The following DNAJB12 variants were observed in gnomAD, a reference collection of about 807,000 sequenced individuals.
DNAJB12 encodes the protein DnaJ heat shock protein family (Hsp40) member B12.
Under a neutral mutation model 40.6 loss-of-function variants are expected in DNAJB12, and 14 were observed. That is an observed-to-expected ratio of 0.34 (90% CI 0.23 to 0.54). The LOEUF (loss-of-function observed/expected upper bound fraction) is 0.54. Among genes scored for constraint, DNAJB12 ranks in the 20% least tolerant of loss-of-function variants. The pLI is 0.92. For synonymous variants in DNAJB12, 181 were observed against 199.5 expected (o/e 0.91, Z 0.78); for missense variants, 444 against 501.7 (o/e 0.89, Z 1.10).
intron 1 of DNAJB12, among the ~76,000 whole-genome samples, chr10:72,349,566 CT>C (rs990346981): frequency 3.9e-5 from 6 of 152,168 alleles, no homozygotes; most frequent in Non-Finnish European, 8.8e-5. Context: ...TCAAGAAGCT[CT>C]TTATTATTTC....
chr10:72,353,015 GGTAAAGTTTA>G (rs1861971756), intron 1 of DNAJB12, among the ~76,000 whole-genome samples: 1 of 152,184 alleles, frequency 6.6e-6, no homozygotes, highest in South Asian at 2.1e-4. Context: ...GGCTGCAGAT[GGTAAAGTTTA>G]CACGGATGCA....
chr10:72,335,161 T>G lies in DNAJB12; in HGVS notation c.*31-544A>C. On this transcript the variant is annotated intron_variant, in intron 8 of 8. Transcript: ENST00000444643. This position sits in a 1 kb window ranked among gnomAD's most constrained non-coding sequence, Gnocchi z 4.4. ...CCAGGTGTGACGGCATTCGAGAGAG[T>G]GCCTCAGATCCCACCAGAGGGGGGT... is the stretch of plus-strand genomic sequence containing the variant. 7 of 987,024 alleles carry G rather than the reference T, an allele frequency of 7.1e-6. No individual in the cohort carries two copies. The highest frequency in any genetic ancestry group is 8.4e-6 in the Non-Finnish European group (7 of 830,924). 61.1% of individuals were successfully genotyped at this position (987,024 alleles called of 1,614,324 possible).
rs1861406798 is a variant in DNAJB12 at position 72,334,378 on chromosome 10, T to C, written c.*270A>G. 1.6e-6 allele frequency: 1 copy of C among 627,498 alleles called. No homozygotes were observed. Among genetic ancestry groups the C allele is most frequent in the South Asian group, 1.8e-5 (1 of 54,612 alleles). 38.9% of individuals were successfully genotyped at this position (627,498 alleles called of 1,614,324 possible). On this transcript the variant is annotated 3_prime_UTR_variant, in exon 9 of 9. Transcript: ENST00000444643. ...TTTCGTTGCCATGGTTTCTGTATCC[T>C]AGGAGAGAGGCGATGCGGAGCCTCC...
intron 1 of DNAJB12, among the ~76,000 whole-genome samples, chr10:72,347,641 C>T (rs185595872): frequency 1.7e-4 from 26 of 152,334 alleles, no homozygotes; most frequent in African/African-American, 5.1e-4. Flanking sequence ...CCCGGCTGGG[C>T]GCTGTGGCTC....
At chr10:72,352,280 T>C (rs113559374) in intron 1 of DNAJB12, among the ~76,000 whole-genome samples, 1 of 152,162 alleles carries the variant, frequency 6.6e-6, no homozygotes. Flanking sequence ...TTTCCCAAAC[T>C]TAATCCTCTC....
At position 72,354,768 on chromosome 10, in the gene DNAJB12, G is replaced by C. The variant is rs1171870422; in HGVS notation, c.130C>G (p.Arg44Gly). 6.2e-7 allele frequency: 1 copy of C among 1,611,696 alleles called. No individual in the cohort carries two copies. The highest frequency in any genetic ancestry group is 1.1e-5 in the South Asian group (1 of 90,954). Residue 44 changes from arginine (R) to glycine (G), a missense_variant, in exon 1 of 9, where the codon CGC (arginine) becomes GGC (glycine). By Grantham distance (125) the Arg-to-Gly change is moderately radical. Coordinates refer to ENST00000444643, the MANE Select transcript of DNAJB12 (RefSeq NM_017626.7). The part of the protein sequence containing the change: ...AQRLYPTPRV[R>G]ALIESLNQKP... ...CTCTCCGGCACCTCACACTCACCGC[G>C]AACTCGCGGCGTCGGATACAGCCGC...
At chr10:72,334,899 C>G (rs1321181501) in intron 8 of DNAJB12, 2 of 1,270,408 alleles carry the variant, frequency 1.6e-6, no homozygotes, top group Non-Finnish European at 2.0e-6. Flanking sequence ...CTTCTGCCCA[C>G]ACTTCTCTGG....
intron 5 of DNAJB12, 113 bp downstream of exon 5, chr10:72,340,676 A>T: frequency 9.4e-7 from 1 of 1,063,548 alleles, no homozygotes; most frequent in Non-Finnish European, 1.4e-6. Flanking sequence ...AGTTATGGGG[A>T]CTCTGCTGGT....
intron 3 of DNAJB12, among the ~76,000 whole-genome samples, chr10:72,342,291 C>T (rs1194695765): frequency 6.6e-6 from 1 of 152,272 alleles, no homozygotes; most frequent in South Asian, 2.1e-4. Flanking sequence ...CTCTCACTCC[C>T]TCTCCTCAAG....
chr10:72,347,770 G>A lies in DNAJB12; in HGVS notation c.134-2643C>T, dbSNP rs567331499. 8.6e-5 allele frequency among the ~76,000 whole-genome samples: 13 copies of A among 151,560 alleles called. 1 individual carries two copies. Among genetic ancestry groups the A allele is most frequent in the East Asian group, 3.9e-4 (2 of 5,118 alleles). ...CTCTACTAAAATACAAAAATTAGCC[G>A]AACATGGTGGTGGGCGCTTGTAATC... On this transcript the variant is annotated intron_variant, in intron 1 of 8. Coordinates refer to ENST00000444643, the MANE Select transcript of DNAJB12 (RefSeq NM_017626.7).
At position 72,341,170 on chromosome 10, in the gene DNAJB12, G is replaced by A; in HGVS notation, c.458C>T (p.Ala153Val). Reference sequence around the variant, plus strand: ...GAGTACCGCATATGCTGTGCCAATGGCTGGAGAGGAGGAGGAAAGGTCAGG... The same window carrying A: ...GAGTACCGCATATGCTGTGCCAATGACTGGAGAGGAGGAGGAAAGGTCAGG... ...HAPGATEAFK[A>V]IGTAYAVLSN... The change falls in exon 4 of 9, where the codon GCC becomes GTC. Residue 153 changes from alanine to valine, a missense_variant and splice_region_variant. Transcript: ENST00000444643. The A allele has an allele frequency of 1.9e-6, 3 of 1,601,020 alleles. No individual in the cohort carries two copies. Among genetic ancestry groups the A allele is most frequent in the Non-Finnish European group, 8.6e-7 (1 of 1,169,434 alleles).
chr10:72,334,589 C>G lies in DNAJB12; in HGVS notation c.*59G>C. 6.5e-7 allele frequency: 1 copy of G among 1,533,452 alleles called. No individual in the cohort carries two copies. Among genetic ancestry groups the G allele is most frequent in the Admixed American group, 2.0e-5 (1 of 49,992 alleles). 95.0% of individuals were successfully genotyped at this position (1,533,452 alleles called of 1,614,324 possible). A position where few individuals can be genotyped will look rare whatever the true frequency, so the allele number is the denominator to read the frequency against. On this transcript the variant is annotated 3_prime_UTR_variant, in exon 9 of 9. Coordinates refer to ENST00000444643, the MANE Select transcript of DNAJB12 (RefSeq NM_017626.7). ...TCCATCACCTTGGCTCAGTGCATGT[C>G]ACCAAAAATTCTCCAGGGATTTCAT...
In DNAJB12 at chr10:72,336,623, C is replaced by G. The variant is rs202084225; in HGVS notation, c.907G>C (p.Glu303Gln). 1 of 1,614,156 alleles carries G rather than the reference C, an allele frequency of 6.2e-7. No homozygotes were observed. The highest frequency in any genetic ancestry group is 2.2e-5 in the East Asian group (1 of 44,892). The part of the protein sequence containing the change: ...VVYYVGDTFS[E>Q]EYTGSSLKTV... Reference sequence around the variant, plus strand: ...TTGAGGCTGGAGCCTGTGTACTCTTCGGAGAAAGTGTCTCCCACATAGTAG... The same window carrying G: ...TTGAGGCTGGAGCCTGTGTACTCTTGGGAGAAAGTGTCTCCCACATAGTAG... The change falls in exon 7 of 9, where the codon GAA (glutamate) becomes CAA (glutamine). Residue 303 changes from glutamate to glutamine, a missense_variant. Glu to Gln is a conservative substitution (Grantham distance 29, BLOSUM62 2). Coordinates refer to ENST00000444643, the MANE Select transcript of DNAJB12 (RefSeq NM_017626.7).
chr10:72,336,512 C>T lies in DNAJB12; in HGVS notation c.1006+12G>A. 6.2e-7 allele frequency: 1 copy of T among 1,612,404 alleles called. No individual in the cohort carries two copies. The highest frequency in any genetic ancestry group is 8.5e-7 in the Non-Finnish European group (1 of 1,179,200). ...CTCCCAAATACAGCCCCCGCCTTCC[C>T]CCCACACTCACTCTGCTGCTTCTCC... On this transcript the variant is annotated intron_variant, in intron 7 of 8. Coordinates refer to ENST00000444643, the MANE Select transcript of DNAJB12 (RefSeq NM_017626.7).
At chr10:72,354,376 A>G (rs72808154) in intron 1 of DNAJB12, 11,450 of 183,150 alleles carry the variant, frequency 0.063, 774 homozygotes, top group African/African-American at 0.18. Flanking sequence ...AGTTATGTTT[A>G]TTTTCCTGAA....
Position 72,343,474 on chromosome 10 carries a change from C to A in DNAJB12, c.349G>T (p.Val117Leu). Reference protein sequence around the residue: ...QCKDYYEILGVSRGASDEDLK... With the variant: ...QCKDYYEILGLSRGASDEDLK... ...TCCTCATCCGAGGCCCCTCTGCTCA[C>A]CCCCAGGATCTCATAGTAATCTTTA... Residue 117 changes from valine to leucine, a missense_variant, in exon 3 of 9, where the codon GTG becomes TTG. Physicochemically the swap from Val to Leu is conservative, Grantham distance 32 (BLOSUM62 1). Coordinates refer to ENST00000444643, the MANE Select transcript of DNAJB12 (RefSeq NM_017626.7). 1.2e-6 allele frequency: 2 copies of A among 1,614,164 alleles called. No individual in the cohort carries two copies. Among genetic ancestry groups the A allele is most frequent in the Non-Finnish European group, 1.7e-6 (2 of 1,180,018 alleles).
At chr10:72,340,205 G>A (rs1013699182) in intron 5 of DNAJB12, among the ~76,000 whole-genome samples, 3 of 151,956 alleles carry the variant, frequency 2.0e-5, no homozygotes, top group Admixed American at 2.0e-4. Flanking sequence ...TTAGCCGGGG[G>A]TGGTGGCACG....
At position 72,345,585 on chromosome 10, in the gene DNAJB12, A is replaced by T. The variant is rs867480619; in HGVS notation, c.134-458T>A. ...ACCCTGTCTCAAAAAAAAAAAAAAA[A>T]AAAAAATCCGGGCACAGTGGCTCAC... On this transcript the variant is annotated intron_variant, in intron 1 of 8. Coordinates refer to ENST00000444643, the MANE Select transcript of DNAJB12 (RefSeq NM_017626.7). Among the ~76,000 whole-genome samples the T allele has an allele frequency of 9.0e-4, 129 of 142,884 alleles. 1 individual carries two copies. The Middle Eastern group carries it at 0.011, about 12-fold the overall frequency. The allele number at this position is 142,884 out of a possible 152,430, so 93.7% of individuals were successfully genotyped here. A position where few individuals can be genotyped will look rare whatever the true frequency, so the allele number is the denominator to read the frequency against.
chr10:72,343,595 A>G (rs187760778), intron 2 of DNAJB12, 84 bp from the exon 3 acceptor site: 1,185 of 1,471,880 alleles, frequency 8.1e-4, no homozygotes, highest in Non-Finnish European at 1.0e-3. Context: ...TGGGGCGCAC[A>G]GCTCTGGGCA....
Sources: allele counts gnomAD v4.1 joint callset (sites outside exome capture counted in the v4.1 genomes callset), GRCh38; gene constraint gnomAD v4.1.1; non-coding constraint Gnocchi (gnomAD v3.1); transcripts MANE v1.5; gene names NCBI Gene and HGNC (gene_info 2026-07-23, HGNC 2026-07-21).